Variants in FRAS1 observed in about 807,000 individuals in gnomAD.
FRAS1 encodes extracellular matrix organizing protein FRAS1.
FRAS1 carries 290 observed loss-of-function variants against 435.2 expected under a neutral mutation model. That is an observed-to-expected ratio of 0.67 (90% confidence interval 0.61 to 0.73). FRAS1 has a LOEUF of 0.73. Among genes scored for constraint, FRAS1 ranks in the 30% least tolerant of loss-of-function variants. The pLI is 0.00. For missense variants in FRAS1, 4,860 were observed against 5,001.5 expected (o/e 0.97, Z 0.85); for synonymous variants, 1,800 against 1,851.0 (o/e 0.97, Z 0.71).
intron 64 of FRAS1, among the ~76,000 whole-genome samples, chr4:78,512,412 GGT>G (rs1721068764): frequency 6.6e-6 from 1 of 151,984 alleles, no homozygotes; most frequent in South Asian, 2.1e-4. Context: ...TCACTTCCAG[GGT>G]TCTGATTCTA....
chr4:78,284,593 A>G (rs6815945), intron 13 of FRAS1, 45 bp downstream of exon 13: 565,026 of 1,546,166 alleles, frequency 0.37, 103,997 homozygotes, highest in Admixed American at 0.42. Context: ...TGTGTGGGAG[A>G]TAGACTCATC....
chr4:78,308,543 C>G (rs1728885836), intron 15 of FRAS1, among the ~76,000 whole-genome samples: 1 of 152,218 alleles, frequency 6.6e-6, no homozygotes, highest in Non-Finnish European at 1.5e-5. Flanking sequence ...AGATCCCAAA[C>G]TCTCTACCAA....
At chr4:78,295,956 T>C (rs1728127521) in intron 14 of FRAS1, among the ~76,000 whole-genome samples, 1 of 152,006 alleles carries the variant, frequency 6.6e-6, no homozygotes, top group African/African-American at 2.4e-5. Flanking sequence ...TTTCACCATG[T>C]TGGCCAGGCT....
intron 2 of FRAS1, among the ~76,000 whole-genome samples, chr4:78,158,563 A>C (rs768979922): frequency 4.6e-5 from 7 of 152,168 alleles, no homozygotes; most frequent in African/African-American, 7.2e-5. Context: ...AAGAGTGATC[A>C]CTAGTTATGG....
chr4:78,410,044 T>C (rs1317667641), intron 31 of FRAS1, among the ~76,000 whole-genome samples: 1 of 152,180 alleles, frequency 6.6e-6, no homozygotes, highest in Non-Finnish European at 1.5e-5. Flanking sequence ...TAACTTTTCA[T>C]TTTTAGCACC....
chr4:78,382,188 G>C lies in FRAS1; in HGVS notation c.3564-1871G>C, dbSNP rs1393888354. On this transcript the variant is annotated intron_variant, in intron 27 of 73. Transcript: ENST00000512123. Reference sequence around the variant, plus strand: ...TGAACACTGTTATTGGAACCTCAGTGCCACCAAAAATCACTTACCCTTATT... The same window carrying C: ...TGAACACTGTTATTGGAACCTCAGTCCCACCAAAAATCACTTACCCTTATT... Among the ~76,000 whole-genome samples, 3 of 152,140 alleles carry C rather than the reference G, an allele frequency of 2.0e-5. No homozygotes were observed. In the East Asian group the frequency reaches 5.8e-4, roughly 29 times the overall value.
chr4:78,365,591 C>T (rs1024169834), intron 22 of FRAS1, among the ~76,000 whole-genome samples: 5 of 152,152 alleles, frequency 3.3e-5, no homozygotes, highest in Admixed American at 3.3e-4. Flanking sequence ...GGCCTCTGCA[C>T]AAACACATTT....
intron 2 of FRAS1, among the ~76,000 whole-genome samples, chr4:78,178,767 C>A (rs1721882923): frequency 6.6e-6 from 1 of 152,106 alleles, no homozygotes; most frequent in South Asian, 2.1e-4. Flanking sequence ...GACCCTATTT[C>A]CAAATGAGGG....
chr4:78,375,690 G>T, intron 25 of FRAS1, 49 bp from the exon 26 acceptor site: 2 of 1,489,390 alleles, frequency 1.3e-6, no homozygotes, highest in Non-Finnish European at 1.8e-6. Flanking sequence ...TTTCTTTGTC[G>T]CTGGTGTTGC....
chr4:78,484,724 A>G (rs1720117485), intron 58 of FRAS1, among the ~76,000 whole-genome samples: 2 of 152,250 alleles, frequency 1.3e-5, no homozygotes, highest in Admixed American at 6.5e-5. Context: ...GCCTTATCTC[A>G]CTTGCTCATA....
intron 2 of FRAS1, among the ~76,000 whole-genome samples, chr4:78,162,290 G>C (rs1006516982): frequency 2.0e-5 from 3 of 152,088 alleles, no homozygotes; most frequent in African/African-American, 7.2e-5. Context: ...GCACTAACTT[G>C]GGGAAGATAC....
At chr4:78,119,081 A>G (rs1718859961) in intron 2 of FRAS1, among the ~76,000 whole-genome samples, 1 of 152,192 alleles carries the variant, frequency 6.6e-6, no homozygotes, top group Admixed American at 6.5e-5. Flanking sequence ...ATAATTGTAT[A>G]TATTCATGAG....
At chr4:78,308,408 G>T (rs1728880174) in intron 15 of FRAS1, among the ~76,000 whole-genome samples, 199 bp downstream of exon 15, 1 of 152,192 alleles carries the variant, frequency 6.6e-6, no homozygotes, top group South Asian at 2.1e-4. Context: ...CCACCAGTCT[G>T]CTAGGGTTGG....
At chr4:78,495,164 T>C (rs1720476163) in intron 59 of FRAS1, among the ~76,000 whole-genome samples, 1 of 152,170 alleles carries the variant, frequency 6.6e-6, no homozygotes, top group Admixed American at 6.5e-5. Flanking sequence ...TTTATTGTGT[T>C]ATCTTTTACT....
chr4:78,299,390 C>T (rs985617705), intron 14 of FRAS1, among the ~76,000 whole-genome samples: 23 of 152,234 alleles, frequency 1.5e-4, no homozygotes, highest in African/African-American at 5.1e-4. Context: ...GGACCCCAGA[C>T]CTTCTCCTGT....
intron 15 of FRAS1, among the ~76,000 whole-genome samples, chr4:78,314,096 T>C (rs918055402): frequency 2.0e-5 from 3 of 152,092 alleles, no homozygotes; most frequent in Non-Finnish European, 4.4e-5. Context: ...CTAGTTTTTT[T>C]TTCTTCTTCT....
chr4:78,180,614 A>G (rs1363672201), intron 2 of FRAS1, among the ~76,000 whole-genome samples: 1 of 152,244 alleles, frequency 6.6e-6, no homozygotes, highest in Non-Finnish European at 1.5e-5. Flanking sequence ...TGAAGAATGC[A>G]TAATCTCTGA....
At chr4:78,067,379 C>A (rs1314125421) in intron 2 of FRAS1, among the ~76,000 whole-genome samples, 1 of 152,082 alleles carries the variant, frequency 6.6e-6, no homozygotes, top group Non-Finnish European at 1.5e-5. Context: ...GTGGCTAGAC[C>A]ATCTTCTATA....
At chr4:78,317,175 G>T (rs973102681) in intron 16 of FRAS1, among the ~76,000 whole-genome samples, 193 bp from the exon 17 acceptor site, 1 of 152,210 alleles carries the variant, frequency 6.6e-6, no homozygotes, top group Non-Finnish European at 1.5e-5. Flanking sequence ...AATATGTAGA[G>T]CATGGCTAAA....
Sources: gnomAD v4.1 joint callset for allele counts (sites outside exome capture counted in the v4.1 genomes callset) on GRCh38, gnomAD v4.1.1 for gene constraint, MANE v1.5 for transcripts, NCBI Gene and HGNC (gene_info 2026-07-23, HGNC 2026-07-21) for gene names.